Variants in HDAC9 observed in about 807,000 individuals in gnomAD.
HDAC9 encodes the protein histone deacetylase 9.
Under a neutral mutation model 139.4 loss-of-function variants are expected in HDAC9, and 41 were observed. That is an observed-to-expected ratio of 0.29 (90% CI 0.23 to 0.38). HDAC9 has a LOEUF of 0.38. Ranked by LOEUF, HDAC9 falls within the 10% of genes least tolerant of loss-of-function variation. HDAC9 has a pLI of 1.00. For synonymous variants in HDAC9, 517 were observed against 476.2 expected, an observed-to-expected ratio of 1.09 and a Z score of -1.12; for missense variants, 1,147 against 1,297.0, an observed-to-expected ratio of 0.88 and a Z score of 1.78.
intron 21 of HDAC9, among the ~76,000 whole-genome samples, chr7:18,856,108 T>C (rs1012811330): frequency 1.3e-5 from 2 of 152,116 alleles, no homozygotes; most frequent in Non-Finnish European, 2.9e-5. Context: ...ATCCTGCTGT[T>C]CTCTTAAAAT....
intron 1 of HDAC9, among the ~76,000 whole-genome samples, chr7:18,138,972 T>TA (rs1785675522): frequency 6.6e-6 from 1 of 152,200 alleles, no homozygotes; most frequent in Admixed American, 6.5e-5. Context: ...GCAGTTCTAG[T>TA]AATCTTCCAT....
At chr7:18,770,264 G>A (rs191570772) in intron 16 of HDAC9, among the ~76,000 whole-genome samples, 55 of 152,150 alleles carry the variant, frequency 3.6e-4, no homozygotes, top group African/African-American at 1.3e-3. Flanking sequence ...AGTTATTATG[G>A]CTGACTCATT....
At chr7:18,767,764 A>G (rs1295543601) in intron 16 of HDAC9, among the ~76,000 whole-genome samples, 1 of 152,192 alleles carries the variant, frequency 6.6e-6, no homozygotes, top group East Asian at 1.9e-4. Flanking sequence ...ATTAGAACAT[A>G]TCCTATAACC....
At chr7:18,262,032 A>G (rs985215483) in intron 2 of HDAC9, among the ~76,000 whole-genome samples, 1 of 152,238 alleles carries the variant, frequency 6.6e-6, no homozygotes, top group Non-Finnish European at 1.5e-5. Flanking sequence ...CCTCTTACTC[A>G]GGTATTATTG....
intron 13 of HDAC9, among the ~76,000 whole-genome samples, chr7:18,741,465 A>C (rs1004542486): frequency 3.3e-5 from 5 of 152,162 alleles, no homozygotes; most frequent in African/African-American, 1.2e-4. Flanking sequence ...TTTTAAGCTC[A>C]ATTTTTAGAC....
At chr7:18,995,884 G>A in intron 25 of HDAC9, 139 bp from the exon 26 acceptor site, 1 of 608,640 alleles carries the variant, frequency 1.6e-6, no homozygotes, top group South Asian at 2.0e-5. Context: ...TCCTAGGAAA[G>A]AAATTCTATT....
chr7:18,307,097 TTGTGTG>T (rs56020648), intron 1 of HDAC9, among the ~76,000 whole-genome samples: 6,216 of 134,774 alleles, frequency 0.046, 199 homozygotes, highest in African/African-American at 0.11. Flanking sequence ...AGGGCAGTTC[TTGTGTG>T]TGTGTGTGTG....
At chr7:18,153,719 T>C (rs1786959607) in intron 1 of HDAC9, among the ~76,000 whole-genome samples, 1 of 152,190 alleles carries the variant, frequency 6.6e-6, no homozygotes, top group African/African-American at 2.4e-5. Context: ...GAACCTATTC[T>C]CCTGCCTCAG....
intron 22 of HDAC9, among the ~76,000 whole-genome samples, chr7:18,897,427 A>G (rs969508843): frequency 6.6e-6 from 1 of 151,968 alleles, no homozygotes; most frequent in African/African-American, 2.4e-5. Context: ...ATATAGCTAT[A>G]AGATAATAAA....
At chr7:18,572,249 TA>T (rs908761768) in intron 2 of HDAC9, among the ~76,000 whole-genome samples, 1 of 151,410 alleles carries the variant, frequency 6.6e-6, no homozygotes, top group African/African-American at 2.4e-5. Context: ...GAAGTTTTGT[TA>T]GTCATTTGAA....
intron 2 of HDAC9, among the ~76,000 whole-genome samples, chr7:18,268,778 A>T (rs1180264824): frequency 6.6e-6 from 1 of 152,168 alleles, no homozygotes; most frequent in African/African-American, 2.4e-5. Flanking sequence ...TGAGGTATTT[A>T]CTGATGGGCT....
At chr7:18,927,962 A>G (rs1585330093) in intron 22 of HDAC9, among the ~76,000 whole-genome samples, 1 of 152,200 alleles carries the variant, frequency 6.6e-6, no homozygotes, top group Non-Finnish European at 1.5e-5. Flanking sequence ...GGAGACTGGC[A>G]TCAGCAACGT....
intron 23 of HDAC9, among the ~76,000 whole-genome samples, chr7:18,948,568 A>C (rs1782566571): frequency 6.6e-6 from 1 of 152,136 alleles, no homozygotes; most frequent in Non-Finnish European, 1.5e-5. Context: ...ACTTTCTATA[A>C]ATATAAAATT....
chr7:18,762,853 T>G (rs11980192), intron 15 of HDAC9, among the ~76,000 whole-genome samples: 1 of 152,184 alleles, frequency 6.6e-6, no homozygotes, highest in Admixed American at 6.5e-5. Context: ...ATGTATGATT[T>G]TTTGAAACTT....
chr7:18,542,007 C>T (rs1444223423), intron 2 of HDAC9, among the ~76,000 whole-genome samples: 2 of 152,068 alleles, frequency 1.3e-5, no homozygotes, highest in Non-Finnish European at 2.9e-5. Flanking sequence ...TGTGGGGTGC[C>T]ATCCTTCCCA....
intron 23 of HDAC9, among the ~76,000 whole-genome samples, chr7:18,943,084 C>T (rs573417946): frequency 6.6e-6 from 1 of 152,176 alleles, no homozygotes; most frequent in East Asian, 1.9e-4. Context: ...TTTAAACTTA[C>T]TTGCAGAAAC....
chr7:18,730,681 T>C, intron 13 of HDAC9, among the ~76,000 whole-genome samples: 1 of 152,204 alleles, frequency 6.6e-6, no homozygotes, highest in East Asian at 1.9e-4. Flanking sequence ...TGGCCATAGC[T>C]TTTGTAGTGT....
intron 17 of HDAC9, among the ~76,000 whole-genome samples, chr7:18,827,296 T>C (rs1186316406): frequency 6.6e-6 from 1 of 152,158 alleles, no homozygotes; most frequent in Non-Finnish European, 1.5e-5. Context: ...CTATTATAAA[T>C]AAGACACTAT....
chr7:18,559,912 A>G (rs1177949003), intron 2 of HDAC9, among the ~76,000 whole-genome samples: 1 of 152,210 alleles, frequency 6.6e-6, no homozygotes, highest in Non-Finnish European at 1.5e-5. Context: ...ACTAAATGTG[A>G]GTCAAATTGA....
Sources: allele counts gnomAD v4.1 joint callset (sites outside exome capture counted in the v4.1 genomes callset), GRCh38; gene constraint gnomAD v4.1.1; transcripts MANE v1.5; gene names NCBI Gene and HGNC (gene_info 2026-07-23, HGNC 2026-07-21).